HMCN1: variants seen among roughly 807,000 people sequenced by gnomAD.
The protein encoded by HMCN1 is hemicentin 1, also known as hemicentin-1.
A neutral mutation model predicts 625.9 loss-of-function variants in HMCN1; 321 were observed. The ratio of observed to expected loss-of-function variants is 0.51; its 90% CI spans 0.47 to 0.56. HMCN1 has a LOEUF of 0.56. HMCN1 is among the 20% of genes least tolerant of loss of function. HMCN1 has a pLI of 0.00. For missense variants in HMCN1, 6,588 were observed against 6,887.3 expected (o/e 0.96, Z 1.54); for synonymous variants, 2,425 against 2,417.6 (o/e 1.00, Z -0.09).
rs1034358527 is a variant in HMCN1 at position 186,039,672 on chromosome 1, T to C, written c.6029-56T>C. 2.4e-5 allele frequency: 38 copies of C among 1,564,522 alleles called. No individual in the cohort carries two copies. The Middle Eastern group carries it at 6.7e-4, about 27-fold the overall frequency. Reference sequence around the variant, plus strand: ...AGACATTAGATGTAGTTTTCATCATTTGAGATCACAAATCCTGTGATATTA... The same window carrying C: ...AGACATTAGATGTAGTTTTCATCATCTGAGATCACAAATCCTGTGATATTA... On this transcript the variant is annotated intron_variant, in intron 38 of 106. Transcript: ENST00000271588.
chr1:186,042,265 C>T (rs1558168958), intron 40 of HMCN1, among the ~76,000 whole-genome samples: 1 of 152,132 alleles, frequency 6.6e-6, no homozygotes, highest in Non-Finnish European at 1.5e-5. Flanking sequence ...TTTTAACTTC[C>T]TCCCTGAATT....
chr1:185,872,515 G>A (rs1350134870), intron 4 of HMCN1, among the ~76,000 whole-genome samples: 1 of 152,138 alleles, frequency 6.6e-6, no homozygotes, highest in Non-Finnish European at 1.5e-5. Flanking sequence ...CATTTAAAGA[G>A]TACATAGTAC....
chr1:186,007,481 T>C (rs1653720971), intron 30 of HMCN1, among the ~76,000 whole-genome samples, 199 bp downstream of exon 30: 1 of 152,178 alleles, frequency 6.6e-6, no homozygotes, highest in Admixed American at 6.5e-5. Context: ...TCATTAAATA[T>C]GGTTGTCTTC....
At chr1:185,783,484 C>G (rs1571345358) in intron 1 of HMCN1, among the ~76,000 whole-genome samples, 2 of 152,032 alleles carry the variant, frequency 1.3e-5, no homozygotes, top group East Asian at 3.9e-4. Context: ...TTTTATCTAC[C>G]TTTGGTCTTT....
At chr1:185,980,891 T>C (rs1484547720) in intron 16 of HMCN1, 87 bp from the exon 17 acceptor site, 10 of 854,004 alleles carry the variant, frequency 1.2e-5, no homozygotes, top group East Asian at 2.4e-5. Context: ...GTGCACACTT[T>C]CCATGCACAG....
At chr1:186,120,224 G>T (rs1661337185) in intron 80 of HMCN1, 79 bp downstream of exon 80, 13 of 1,467,476 alleles carry the variant, frequency 8.9e-6, no homozygotes, top group South Asian at 1.2e-5. Flanking sequence ...TATCTAAAAT[G>T]ATTATGCTGC....
At chr1:186,103,193 A>C (rs1660463797) in intron 68 of HMCN1, among the ~76,000 whole-genome samples, 1 of 152,154 alleles carries the variant, frequency 6.6e-6, no homozygotes, top group Non-Finnish European at 1.5e-5. Context: ...TCTTTCAGTC[A>C]AGTGAGACTG....
Position 186,137,910 on chromosome 1 carries a change from G to T in HMCN1, c.13862G>T (p.Gly4621Val). 9 of 1,614,088 alleles carry T rather than the reference G, an allele frequency of 5.6e-6. No individual in the cohort carries two copies. The highest frequency in any genetic ancestry group is 7.6e-6 in the Non-Finnish European group (9 of 1,179,980). The change falls in exon 89 of 107, where the codon GGT becomes GTT. Residue 4621 changes from glycine to valine, a missense_variant. Transcript: ENST00000271588. ...RTCNNPSVQH[G>V]GRPCEGNAVE... The stretch of plus-strand genomic sequence containing the variant: ...TGCAATAATCCATCAGTTCAGCATG[G>T]TGGGCGGCCATGTGAAGGGAATGCT...
chr1:185,864,645 C>G lies in HMCN1; in HGVS notation c.498+17C>G. 1.9e-6 allele frequency: 3 copies of G among 1,612,820 alleles called. No homozygotes were observed. The highest frequency in any genetic ancestry group is 2.5e-6 in the Non-Finnish European group (3 of 1,179,050). On this transcript the variant is annotated intron_variant, in intron 3 of 106. Transcript: ENST00000271588. ...CAGTCACAAGTGAGTAAGAATCAAC[C>G]CCAAACGTCTCTGTCTAAATGCAGT... is the stretch of plus-strand genomic sequence containing the variant.
At chr1:185,888,176 T>G (rs1664796776) in intron 4 of HMCN1, among the ~76,000 whole-genome samples, 1 of 111,840 alleles carries the variant, frequency 8.9e-6, no homozygotes, top group Non-Finnish European at 1.7e-5. Context: ...TCTTGTAAAT[T>G]TGTTTGAGTT....
intron 93 of HMCN1, among the ~76,000 whole-genome samples, chr1:186,148,649 C>A (rs1029900886): frequency 6.6e-6 from 1 of 152,128 alleles, no homozygotes; most frequent in South Asian, 2.1e-4. Context: ...TTACAAGTGC[C>A]CACCACCATG....
At chr1:185,950,493 T>C (rs1188626409) in intron 11 of HMCN1, among the ~76,000 whole-genome samples, 164 of 148,348 alleles carry the variant, frequency 1.1e-3, no homozygotes, top group African/African-American at 3.5e-3. Context: ...TAACCATGCC[T>C]AGGAGGGAAA....
At chr1:186,179,132 A>G (rs1188688831) in intron 104 of HMCN1, among the ~76,000 whole-genome samples, 1 of 152,194 alleles carries the variant, frequency 6.6e-6, no homozygotes, top group Admixed American at 6.5e-5. Flanking sequence ...GATTATGGCC[A>G]CATCGGATTG....
chr1:186,164,144 C>CCT (rs899287467), intron 97 of HMCN1, among the ~76,000 whole-genome samples: 1 of 152,154 alleles, frequency 6.6e-6, no homozygotes, highest in African/African-American at 2.4e-5. Context: ...GTACCACCCC[C>CCT]CTGCATGAGC....
intron 1 of HMCN1, among the ~76,000 whole-genome samples, chr1:185,788,855 A>T (rs1351302352): frequency 6.6e-6 from 1 of 152,108 alleles, no homozygotes; most frequent in African/African-American, 2.4e-5. Flanking sequence ...TTCCATACTT[A>T]GTTTGAAGGA....
intron 40 of HMCN1, among the ~76,000 whole-genome samples, chr1:186,043,547 G>A (rs913884060): frequency 9.9e-5 from 15 of 152,136 alleles, no homozygotes; most frequent in African/African-American, 3.6e-4. Context: ...GCATTCTGTA[G>A]TCTTGAATTG....
chr1:185,958,573 G>A (rs190103224), intron 11 of HMCN1, among the ~76,000 whole-genome samples: 52 of 152,236 alleles, frequency 3.4e-4, no homozygotes, highest in Middle Eastern at 3.4e-3. Context: ...GCTATATAGA[G>A]GAATACTGCT....
At chr1:185,783,833 C>G (rs982097277) in intron 1 of HMCN1, among the ~76,000 whole-genome samples, 3 of 152,232 alleles carry the variant, frequency 2.0e-5, no homozygotes, top group Non-Finnish European at 4.4e-5. Flanking sequence ...TCTCAGATCT[C>G]AAACTCCATG....
intron 40 of HMCN1, among the ~76,000 whole-genome samples, chr1:186,045,201 A>AT (rs1340258084): frequency 6.6e-6 from 1 of 152,146 alleles, no homozygotes. Flanking sequence ...TCTGACACCA[A>AT]TTTTATGTTT....
Sources: gnomAD v4.1 joint callset for allele counts (sites outside exome capture counted in the v4.1 genomes callset) on GRCh38, gnomAD v4.1.1 for gene constraint, MANE v1.5 for transcripts, NCBI Gene and HGNC (gene_info 2026-07-23, HGNC 2026-07-21) for gene names.